The following NAV2 variants were observed in gnomAD, a reference collection of about 807,000 sequenced individuals.
NAV2 encodes the protein neuron navigator 2, also known as helicase, APC down-regulated 1.
Under a neutral mutation model 223.2 loss-of-function variants are expected in NAV2, and 54 were observed. The observed-to-expected ratio is 0.24, with a 90% CI of 0.19 to 0.30. The LOEUF (loss-of-function observed/expected upper bound fraction) is 0.30. Among genes scored for constraint, NAV2 ranks in the 10% least tolerant of loss-of-function variants. The pLI is 1.00. For missense variants in NAV2, 2,806 were observed against 3,147.5 expected, an observed-to-expected ratio of 0.89 and a Z score of 2.60; for synonymous variants, 1,279 against 1,239.3, an observed-to-expected ratio of 1.03 and a Z score of -0.67.
intron 1 of NAV2, among the ~76,000 whole-genome samples, chr11:19,633,543 C>T (rs2047404793): frequency 1.3e-5 from 2 of 152,272 alleles, no homozygotes; most frequent in Admixed American, 1.3e-4. Context: ...CCTGACCCAA[C>T]AGCCCAGTGT....
chr11:19,882,748 A>G (rs569849439), intron 5 of NAV2, among the ~76,000 whole-genome samples: 1 of 152,276 alleles, frequency 6.6e-6, no homozygotes, highest in East Asian at 1.9e-4. Flanking sequence ...TTTTACATTC[A>G]TTTATTCCAG....
chr11:20,031,315 C>G (rs2055708125), intron 11 of NAV2, among the ~76,000 whole-genome samples: 1 of 152,176 alleles, frequency 6.6e-6, no homozygotes, highest in African/African-American at 2.4e-5. Context: ...CGATTTGGGT[C>G]AGTGGACTTT....
At chr11:19,541,763 G>A (rs1254794754) in intron 1 of NAV2, among the ~76,000 whole-genome samples, 1 of 152,086 alleles carries the variant, frequency 6.6e-6, no homozygotes, top group Non-Finnish European at 1.5e-5. Flanking sequence ...TTCCTCCAGG[G>A]GGTCATTTTA....
Position 19,901,066 on chromosome 11 carries a change from A to G in NAV2, c.931+8472A>G, listed in dbSNP as rs1591149197. On this transcript the variant is annotated intron_variant, in intron 6 of 37. Transcript: ENST00000349880. Reference sequence around the variant, plus strand: ...ACTGTTGTCTCTCAAGGTGTGATTCATGAGCCATCTCATCATCCCTTGAGG... The same window carrying G: ...ACTGTTGTCTCTCAAGGTGTGATTCGTGAGCCATCTCATCATCCCTTGAGG... Among the ~76,000 whole-genome samples, 4 of 152,358 alleles carry G rather than the reference A, an allele frequency of 2.6e-5. No individual in the cohort carries two copies. In the Middle Eastern group the frequency reaches 0.014, roughly 518 times the overall value.
chr11:19,652,927 T>C lies in NAV2; in HGVS notation c.76-179557T>C, dbSNP rs562837521. Among the ~76,000 whole-genome samples the C allele has an allele frequency of 1.7e-3, 253 of 152,374 alleles. 1 individual carries two copies. The highest frequency in any genetic ancestry group is 2.7e-3 in the Non-Finnish European group (186 of 68,044). On this transcript the variant is annotated intron_variant, in intron 1 of 37. Coordinates refer to the NAV2 transcript ENST00000360655. ...ACTACAATTTATTTAACCAGTTTCC[T>C]GTTGATGGGTGTTAAGGTTATCTCC...
upstream of NAV2, among the ~76,000 whole-genome samples, chr11:19,347,304 A>T (rs114862357): frequency 0.036 from 5,462 of 152,234 alleles, 310 homozygotes; most frequent in African/African-American, 0.12. Context: ...GCAGGAAGGG[A>T]CTTCAGCGGG....
intron 1 of NAV2, among the ~76,000 whole-genome samples, chr11:19,784,842 C>T (rs374479955): frequency 2.0e-5 from 3 of 152,266 alleles, no homozygotes; most frequent in East Asian, 3.9e-4. Context: ...GCAAAGCGCT[C>T]AGTACAGGAC....
intron 1 of NAV2, among the ~76,000 whole-genome samples, chr11:19,732,700 C>T (rs2051911354): frequency 6.6e-6 from 1 of 152,202 alleles, no homozygotes; most frequent in Non-Finnish European, 1.5e-5. Context: ...TCCCTGGGGA[C>T]TAGCTGGACT....
At chr11:19,691,745 C>T (rs1370018928) in intron 1 of NAV2, among the ~76,000 whole-genome samples, 2 of 152,058 alleles carry the variant, frequency 1.3e-5, no homozygotes, top group East Asian at 1.9e-4. Context: ...AACAGCAGTC[C>T]CCACTCTCAC....
rs1023247265 is a variant in NAV2, at chr11:19,998,572, C to T, written c.2768+14325C>T. Among the ~76,000 whole-genome samples, 3 of 152,240 alleles carry T rather than the reference C, an allele frequency of 2.0e-5. No homozygotes were observed. The highest frequency in any genetic ancestry group is 6.5e-5 in the Admixed American group (1 of 15,294). On this transcript the variant is annotated intron_variant, in intron 11 of 37. Transcript: ENST00000349880. This position sits in a 1 kb window ranked among gnomAD's most constrained non-coding sequence, Gnocchi z 5.0. Reference sequence around the variant, plus strand: ...AAGGGGGTGTGTGTTCTGGCCCCTGCGCACCTCTCCAGCCTCACCTCATCA... The same window carrying T: ...AAGGGGGTGTGTGTTCTGGCCCCTGTGCACCTCTCCAGCCTCACCTCATCA...
intron 7 of NAV2, among the ~76,000 whole-genome samples, chr11:19,937,984 A>G (rs935465489): frequency 1.3e-5 from 2 of 152,230 alleles, no homozygotes; most frequent in Non-Finnish European, 2.9e-5. Context: ...TGCATCTTAA[A>G]GACAGATTAG....
intron 1 of NAV2, among the ~76,000 whole-genome samples, chr11:19,814,204 G>A (rs1193624341): frequency 6.6e-6 from 1 of 152,226 alleles, no homozygotes; most frequent in Non-Finnish European, 1.5e-5. Flanking sequence ...ATGTCAACAG[G>A]TGTGGCAGGT....
intron 1 of NAV2, among the ~76,000 whole-genome samples, chr11:19,408,360 C>A (rs1231050203): frequency 6.6e-6 from 1 of 152,132 alleles, no homozygotes; most frequent in African/African-American, 2.4e-5. Context: ...TGGAAAGGAG[C>A]TAAAATATTC....
intron 25 of NAV2, 124 bp from the exon 26 acceptor site, chr11:20,082,883 C>A: frequency 9.5e-6 from 9 of 948,908 alleles, no homozygotes; most frequent in Middle Eastern, 3.2e-4. Context: ...TCTTGGGAAC[C>A]TCTTCCATTG....
chr11:19,610,050 A>T (rs757923564), intron 1 of NAV2, among the ~76,000 whole-genome samples: 2 of 152,234 alleles, frequency 1.3e-5, no homozygotes, highest in Admixed American at 6.5e-5. Flanking sequence ...ACCAGGACTG[A>T]TAGGTGCTAA....
chr11:19,933,827 C>A lies in NAV2; in HGVS notation c.1583C>A (p.Ala528Asp), dbSNP rs774962412. The A allele has an allele frequency of 6.8e-6, 11 of 1,611,942 alleles. No individual in the cohort carries two copies. The highest frequency in any genetic ancestry group is 5.1e-6 in the Non-Finnish European group (6 of 1,179,510). ...EEPKEDPSGAAVPEMPKKSSK... is the reference protein window; with the variant it reads ...EEPKEDPSGADVPEMPKKSSK... ...CCAAAAGAAGACCCCAGTGGAGCAG[C>A]TGTGCCCGAGATGCCAAAAAAGTCC... Residue 528 changes from alanine (A) to aspartate (D), a missense_variant, in exon 7 of 38, where the codon GCT (alanine) becomes GAT (aspartate). By Grantham distance (126) the Ala-to-Asp change is moderately radical. This residue lies in a region of NAV2 where 1,167 missense variants were observed against 1,180.5 expected (regional missense o/e 0.99). Coordinates refer to ENST00000349880, the MANE Select transcript of NAV2 (RefSeq NM_145117.5). The surrounding 1 kb of genome is among the most constrained non-coding windows in gnomAD (Gnocchi z 4.3).
Position 20,118,458 on chromosome 11 carries a change from A to G in NAV2, c.*200A>G. The stretch of plus-strand genomic sequence containing the variant: ...CTGCCTGCGGACCGCTTCCTTCCAC[A>G]GCGAGAACTGCACTACCTTCTGTTG... On this transcript the variant is annotated 3_prime_UTR_variant, in exon 38 of 38. Transcript: ENST00000349880. The G allele has an allele frequency of 6.5e-6, 4 of 613,722 alleles. No individual in the cohort carries two copies. The highest frequency in any genetic ancestry group is 1.2e-5 in the Non-Finnish European group (4 of 343,738). 38.0% of individuals were successfully genotyped at this position (613,722 alleles called of 1,614,324 possible). A position where few individuals can be genotyped will look rare whatever the true frequency, so the allele number is the denominator to read the frequency against.
rs1467124902 is a variant in NAV2 at position 20,041,329 on chromosome 11, C to A, written c.2908-2652C>A. ...TGGGAAATTTTCTTTTCACTGTTTG[C>A]CTCAGTTTTGTCATGTAAAATTGAG... On this transcript the variant is annotated intron_variant, in intron 12 of 37. Coordinates refer to ENST00000349880, the MANE Select transcript of NAV2 (RefSeq NM_145117.5). 2.6e-5 allele frequency among the ~76,000 whole-genome samples: 4 copies of A among 152,116 alleles called. No homozygotes were observed. The East Asian group carries it at 7.7e-4, about 29-fold the overall frequency.
At chr11:19,671,334 A>G (rs1055435383) in intron 1 of NAV2, among the ~76,000 whole-genome samples, 4 of 152,214 alleles carry the variant, frequency 2.6e-5, no homozygotes, top group African/African-American at 9.7e-5. Context: ...GCTTCTTTAC[A>G]CAGAGCTTCT....
Sources: gnomAD v4.1 joint callset for allele counts (sites outside exome capture counted in the v4.1 genomes callset) on GRCh38, gnomAD v4.1.1 for gene constraint, gnomAD v4.1.1 regional missense constraint, Gnocchi (gnomAD v3.1) non-coding constraint, MANE v1.5 for transcripts, NCBI Gene and HGNC (gene_info 2026-07-23, HGNC 2026-07-21) for gene names.